The following PIKFYVE variants were observed in gnomAD, a reference collection of about 807,000 sequenced individuals.
The protein encoded by PIKFYVE is phosphoinositide kinase, FYVE-type zinc finger containing.
PIKFYVE carries 122 observed loss-of-function variants against 257.9 expected under a neutral mutation model. The ratio of observed to expected loss-of-function variants is 0.47; its 90% CI spans 0.41 to 0.55. PIKFYVE has a LOEUF of 0.55. Ranked by LOEUF, PIKFYVE falls within the 20% of genes least tolerant of loss-of-function variation. The probability of loss-of-function intolerance (pLI) is 0.00; values close to 1 mark genes in which losing one functional copy is unlikely to be tolerated. For synonymous variants in PIKFYVE, 892 were observed against 868.9 expected (o/e 1.03, Z -0.47); for missense variants, 2,160 against 2,536.6 (o/e 0.85, Z 3.19).
At chr2:208,311,664 T>C (rs943229653) in intron 12 of PIKFYVE, among the ~76,000 whole-genome samples, 4 of 152,202 alleles carry the variant, frequency 2.6e-5, no homozygotes, top group Admixed American at 1.3e-4. Context: ...GTGTTTGATA[T>C]AATTTTTGAA....
chr2:208,324,381 G>A (rs139007552), intron 18 of PIKFYVE, 99 bp downstream of exon 18: 15,143 of 1,294,446 alleles, frequency 0.012, 122 homozygotes, highest in Non-Finnish European at 0.014. Flanking sequence ...TTTCTTTGCT[G>A]TTCTATTTGT....
At chr2:208,317,180 A>G (rs1382484355) in intron 15 of PIKFYVE, among the ~76,000 whole-genome samples, 2 of 151,782 alleles carry the variant, frequency 1.3e-5, no homozygotes, top group South Asian at 4.2e-4. Flanking sequence ...AGAAACTACC[A>G]TCAGAGTGAA....
intron 12 of PIKFYVE, among the ~76,000 whole-genome samples, chr2:208,308,754 C>G (rs1269517671): frequency 1.4e-5 from 2 of 147,100 alleles, no homozygotes; most frequent in East Asian, 4.1e-4. Flanking sequence ...ATTGTCCAGG[C>G]TGGAGTGCAA....
chr2:208,358,039 A>G lies in PIKFYVE; in HGVS notation c.*2734A>G, dbSNP rs536348683. On this transcript the variant is annotated 3_prime_UTR_variant, in exon 42 of 42. Transcript: ENST00000264380. ...GCTGTTGCAAGCTCTTTTGTAGTCT[A>G]TTGAATATTTTATAGATATTCAAAA... 1 of 152,244 alleles carries G rather than the reference A, an allele frequency of 6.6e-6. No individual in the cohort carries two copies. The highest frequency in any genetic ancestry group is 1.9e-4 in the East Asian group (1 of 5,204). The allele number at this position is 152,244 out of a possible 1,614,324, so 9.4% of individuals were successfully genotyped here.
Position 208,277,572 on chromosome 2 carries a change from C to A in PIKFYVE, c.477C>A (p.Ser159Arg). 1 of 1,613,858 alleles carries A rather than the reference C, an allele frequency of 6.2e-7. No homozygotes were observed. The highest frequency in any genetic ancestry group is 8.5e-7 in the Non-Finnish European group (1 of 1,179,774). The change falls in exon 5 of 42, where the codon AGC becomes AGA. Residue 159 changes from serine to arginine, a missense_variant. Around this residue, in one of 12 missense-constraint regions of PIKFYVE, gnomAD observed 28 missense variants for 68.2 expected, o/e 0.41. Transcript: ENST00000264380. ...SDLKQYWMPD[S>R]QCKECYDCSE... ...TGAAACAATACTGGATGCCAGATAGCCAATGTAAAGAGTGCTATGACTGTA... is the reference window on the plus strand; with the variant it reads ...TGAAACAATACTGGATGCCAGATAGACAATGTAAAGAGTGCTATGACTGTA...
chr2:208,354,053 C>G lies in PIKFYVE; in HGVS notation c.6000C>G (p.Thr2000=), dbSNP rs773575704. The stretch of plus-strand genomic sequence containing the variant: ...CTCATTCCAAAGCTGTGCTGAGAAC[C>G]TCGATCCATAGTGACTCCCATTTCC... The part of the protein sequence containing the change: ...IRSHSKAVLR[T]SIHSDSHFLS... The change falls in exon 40 of 42, where the codon ACC becomes ACG. Residue 2000 remains threonine, a synonymous_variant. Coordinates refer to ENST00000264380, the MANE Select transcript of PIKFYVE (RefSeq NM_015040.4). 1.2e-6 allele frequency: 2 copies of G among 1,614,024 alleles called. No individual in the cohort carries two copies. The highest frequency in any genetic ancestry group is 1.7e-6 in the Non-Finnish European group (2 of 1,179,966).
At chr2:208,285,609 A>G in intron 5 of PIKFYVE, 117 bp from the exon 6 acceptor site, 1 of 833,594 alleles carries the variant, frequency 1.2e-6, no homozygotes. Flanking sequence ...ACTTGAAGAC[A>G]TTTCCGTTAT....
intron 7 of PIKFYVE, among the ~76,000 whole-genome samples, chr2:208,291,414 A>T (rs552826021): frequency 1.3e-5 from 2 of 152,122 alleles, no homozygotes; most frequent in South Asian, 4.2e-4. Context: ...TTTGTTGAGG[A>T]TAATAGTGTA....
Position 208,298,868 on chromosome 2 carries a change from G to A in PIKFYVE, c.1050+89G>A, listed in dbSNP as rs78062305. ...GTCTTTTTTTTTCTTTTTGAGACACGGTCTTGGTGTGCTGCCCAGGCTGGG... is the reference window on the plus strand; with the variant it reads ...GTCTTTTTTTTTCTTTTTGAGACACAGTCTTGGTGTGCTGCCCAGGCTGGG... On this transcript the variant is annotated intron_variant, in intron 8 of 41. Transcript: ENST00000264380. 2.3e-3 allele frequency: 3,557 copies of A among 1,522,408 alleles called. 57 individuals carry two copies. In the African/African-American group the frequency reaches 0.041, roughly 17 times the overall value. 94.3% of individuals were successfully genotyped at this position (1,522,408 alleles called of 1,614,324 possible).
intron 12 of PIKFYVE, among the ~76,000 whole-genome samples, chr2:208,306,772 A>C (rs1259556825): frequency 1.0e-5 from 1 of 98,534 alleles, no homozygotes; most frequent in Non-Finnish European, 2.0e-5. Flanking sequence ...CCCTGATTTC[A>C]ATCCTTTTTT....
At chr2:208,319,493 A>T (rs1208855637) in intron 16 of PIKFYVE, among the ~76,000 whole-genome samples, 1 of 152,206 alleles carries the variant, frequency 6.6e-6, no homozygotes, top group Admixed American at 6.5e-5. Context: ...GGTGTGGTGG[A>T]AACATATGCA....
In PIKFYVE at chr2:208,276,745, G is replaced by A; in HGVS notation, c.356G>A (p.Gly119Asp). 2 of 1,613,606 alleles carry A rather than the reference G, an allele frequency of 1.2e-6. No homozygotes were observed. Among genetic ancestry groups the A allele is most frequent in the Non-Finnish European group, 1.7e-6 (2 of 1,179,642 alleles). The change falls in exon 4 of 42, where the codon GGT becomes GAT. Residue 119 changes from glycine to aspartate, a missense_variant. By Grantham distance (94) the Gly-to-Asp change is moderately conservative. Transcript: ENST00000264380. ...AGGAAAGCAGAACCTACCTTTGGAG[G>A]TCATGACCCTCGTACAGCTGTTCAG... ...TRRKAEPTFG[G>D]HDPRTAVQLR...
At chr2:208,345,074 T>C in intron 32 of PIKFYVE, 37 bp from the exon 33 acceptor site, 1 of 1,359,224 alleles carries the variant, frequency 7.4e-7, no homozygotes, top group South Asian at 1.2e-5. Flanking sequence ...AAGAAGAAGT[T>C]AATGTTTAAC....
intron 17 of PIKFYVE, 95 bp downstream of exon 17, chr2:208,320,454 T>C (rs184904809): frequency 6.8e-7 from 1 of 1,480,122 alleles, no homozygotes; most frequent in East Asian, 2.3e-5. Flanking sequence ...TTCTAGCTAA[T>C]TAAATTGGAT....
Position 208,325,602 on chromosome 2 carries a change from G to A in PIKFYVE, c.2791G>A (p.Glu931Lys). The A allele has an allele frequency of 6.2e-7, 1 of 1,614,072 alleles. No individual in the cohort carries two copies. The highest frequency in any genetic ancestry group is 8.5e-7 in the Non-Finnish European group (1 of 1,179,968). Residue 931 changes from glutamate (E) to lysine (K), a missense_variant, in exon 20 of 42, where the codon GAA becomes AAA. Around this residue, in one of 12 missense-constraint regions of PIKFYVE, gnomAD observed 522 missense variants for 514.6 expected, o/e 1.01. Transcript: ENST00000264380. ...GCCCTGTGATGATAGCAGTTTGCTG[G>A]AATTGAGGATTGTGTTTGAGAAGGG... ...SLPCDDSSLL[E>K]LRIVFEKGEQ...
At chr2:208,328,302 A>G (rs1697162125) in intron 21 of PIKFYVE, 22 bp downstream of exon 21, 2 of 1,613,252 alleles carry the variant, frequency 1.2e-6, no homozygotes, top group Non-Finnish European at 1.7e-6. Context: ...TTCCCCCTAC[A>G]CTATTCCACA....
rs115395194 is a variant in PIKFYVE at position 208,327,925 on chromosome 2, A to G, written c.3619-255A>G. 8.9e-3 allele frequency among the ~76,000 whole-genome samples: 1,352 copies of G among 152,292 alleles called. 10 individuals are homozygous for G. The highest frequency in any genetic ancestry group is 0.02 in the Middle Eastern group (6 of 294). ...AAAATAATTTAGTGCAGTTGTGTAA[A>G]ATAAAGAGTAAGTTAAGAAAACAAG... On this transcript the variant is annotated intron_variant, in intron 20 of 41. Coordinates refer to ENST00000264380, the MANE Select transcript of PIKFYVE (RefSeq NM_015040.4).
intron 22 of PIKFYVE, 122 bp downstream of exon 22, chr2:208,330,035 A>AC: frequency 1.6e-6 from 2 of 1,253,906 alleles, no homozygotes; most frequent in Non-Finnish European, 2.2e-6. Flanking sequence ...TTCATAGTGC[A>AC]TATCAGAGTA....
chr2:208,333,737 A>T (rs115812648), intron 24 of PIKFYVE, among the ~76,000 whole-genome samples: 1 of 152,188 alleles, frequency 6.6e-6, no homozygotes, highest in Non-Finnish European at 1.5e-5. Context: ...CAGAGCTCTC[A>T]AGTGGTGGAG....
Sources: allele counts gnomAD v4.1 joint callset (sites outside exome capture counted in the v4.1 genomes callset), GRCh38; gene constraint gnomAD v4.1.1; regional missense constraint gnomAD v4.1.1; transcripts MANE v1.5; gene names NCBI Gene and HGNC (gene_info 2026-07-23, HGNC 2026-07-21).